Variants in TIGIT observed in about 807,000 individuals in gnomAD.
TIGIT encodes T cell immunoreceptor with Ig and ITIM domains.
In TIGIT, 11 loss-of-function variants were observed where a neutral mutation model predicts 19.6. That is an observed-to-expected ratio of 0.56 (90% CI 0.35 to 0.93). The LOEUF (loss-of-function observed/expected upper bound fraction) is 0.93, where lower values mean the gene tolerates loss of function less well. TIGIT is among the 40% of genes least tolerant of loss of function. The pLI, the probability that TIGIT is intolerant of heterozygous loss-of-function variation, is 0.01. For synonymous variants in TIGIT, 130 were observed against 125.5 expected (o/e 1.04, Z -0.24); for missense variants, 295 against 303.9 (o/e 0.97, Z 0.22).
chr3:114,303,043 CTTTA>C (rs1057000178), intron 3 of TIGIT, among the ~76,000 whole-genome samples: 1 of 152,038 alleles, frequency 6.6e-6, no homozygotes, highest in African/African-American at 2.4e-5. Context: ...TCCAACAAAC[CTTTA>C]TTTATAAACA....
intron 3 of TIGIT, among the ~76,000 whole-genome samples, chr3:114,303,248 G>A (rs956656816): frequency 6.6e-6 from 1 of 151,944 alleles, no homozygotes; most frequent in Non-Finnish European, 1.5e-5. Flanking sequence ...CCAGTGTGTA[G>A]TCCTTTATCC....
rs560056093 is a variant in TIGIT at position 114,298,015 on chromosome 3, C to G, written c.392-1582C>G. 2.6e-5 allele frequency among the ~76,000 whole-genome samples: 4 copies of G among 152,324 alleles called. No homozygotes were observed. The East Asian group carries it at 7.7e-4, about 29-fold the overall frequency. On this transcript the variant is annotated intron_variant, in intron 2 of 3. Coordinates refer to ENST00000383671, the MANE Select transcript of TIGIT (RefSeq NM_173799.4). ...CTTCTTTTTGAACCTAATCTCAAACCTTAGTCCAAGTCCCTATCCTAATAC... is the reference window on the plus strand; with the variant it reads ...CTTCTTTTTGAACCTAATCTCAAACGTTAGTCCAAGTCCCTATCCTAATAC...
intron 3 of TIGIT, among the ~76,000 whole-genome samples, chr3:114,305,888 A>AGATAGATG (rs1560034704): frequency 1.3e-5 from 2 of 151,724 alleles, no homozygotes; most frequent in Admixed American, 6.6e-5. Context: ...ATAGATAGAT[A>AGATAGATG]GATAGATAGA....
At chr3:114,297,301 T>A (rs1303297238) in intron 2 of TIGIT, among the ~76,000 whole-genome samples, 1 of 152,214 alleles carries the variant, frequency 6.6e-6, no homozygotes, top group Non-Finnish European at 1.5e-5. Context: ...CTCAGTTTTC[T>A]TGTCGATAAA....
chr3:114,303,573 G>GTATATATATATATACATATATATGTA (rs556975462), intron 3 of TIGIT, among the ~76,000 whole-genome samples: 2 of 46,664 alleles, frequency 4.3e-5, no homozygotes, highest in Admixed American at 1.9e-4. Context: ...ACATATATAT[G>GTATATATATATATACATATATATGTA]TATATATATA....
chr3:114,294,229 C>T, intron 1 of TIGIT, 107 bp downstream of exon 1: 1 of 844,832 alleles, frequency 1.2e-6, no homozygotes, highest in Non-Finnish European at 1.8e-6. Context: ...GCCACAGCTG[C>T]TTGAGAGAAA....
Position 114,294,072 on chromosome 3 carries a change from G to A in TIGIT, c.11G>A (p.Cys4Tyr), listed in dbSNP as rs1425212224. ...CCTCTGGGCAGAAGCATGCGCTGGT[G>A]TCTCCTCCTGATCTGGGCCCAGGGG... is the stretch of plus-strand genomic sequence containing the variant. MRWCLLLIWAQGLR... is the reference protein window; with the variant it reads MRWYLLLIWAQGLR... Residue 4 changes from cysteine (C) to tyrosine (Y), a missense_variant, in exon 1 of 4, where the codon TGT becomes TAT. Transcript: ENST00000383671. 1.9e-6 allele frequency: 3 copies of A among 1,553,136 alleles called. No homozygotes were observed. The highest frequency in any genetic ancestry group is 2.4e-5 in the East Asian group (1 of 41,264).
chr3:114,303,628 T>TACAC (rs201538912), intron 3 of TIGIT, among the ~76,000 whole-genome samples: 2 of 69,088 alleles, frequency 2.9e-5, no homozygotes, highest in Non-Finnish European at 7.6e-5. Context: ...TATGTATATA[T>TACAC]ATACACACAC....
At chr3:114,299,819 T>G in intron 3 of TIGIT, 116 bp downstream of exon 3, 1 of 649,646 alleles carries the variant, frequency 1.5e-6, no homozygotes, top group East Asian at 2.8e-5. Context: ...CCGAGTGCTC[T>G]TTGTGCCTTT....
At chr3:114,307,872 C>G (rs748965017) in intron 3 of TIGIT, 23 bp from the exon 4 acceptor site, 3 of 1,600,982 alleles carry the variant, frequency 1.9e-6, no homozygotes, top group South Asian at 2.2e-5. Flanking sequence ...CACATACTCA[C>G]TTTGTAGTTT....
intron 3 of TIGIT, among the ~76,000 whole-genome samples, chr3:114,303,597 GTATATATATATATACATATATATGTA>G (rs1553776844): frequency 4.9e-3 from 38 of 7,824 alleles, no homozygotes; most frequent in African/African-American, 0.011. Flanking sequence ...ACATATATAT[GTATATATATATATACATATATATGTA>G]TATATATACA....
chr3:114,294,234 G>A, intron 1 of TIGIT, 112 bp downstream of exon 1: 1 of 825,582 alleles, frequency 1.2e-6, no homozygotes, highest in Non-Finnish European at 1.9e-6. Context: ...AGCTGCTTGA[G>A]AGAAAGAAAT....
intron 3 of TIGIT, among the ~76,000 whole-genome samples, chr3:114,303,597 G>A (rs199667335): frequency 1.3e-4 from 1 of 7,870 alleles, no homozygotes; most frequent in African/African-American, 2.9e-4. Context: ...ACATATATAT[G>A]TATATATATA....
At chr3:114,304,027 A>G (rs892274774) in intron 3 of TIGIT, among the ~76,000 whole-genome samples, 1 of 151,734 alleles carries the variant, frequency 6.6e-6, no homozygotes, top group Non-Finnish European at 1.5e-5. Flanking sequence ...GCATTTTTTC[A>G]TATGTTTGTT....
rs563167089 is a variant in TIGIT at position 114,295,933 on chromosome 3, T to G, written c.391+59T>G. On this transcript the variant is annotated intron_variant, in intron 2 of 3. Transcript: ENST00000383671. Reference sequence around the variant, plus strand: ...TCTCCCTCTAGCATAGAAAATGCAATCCTGAAACACTGCACAGCAGGGCTT... The same window carrying G: ...TCTCCCTCTAGCATAGAAAATGCAAGCCTGAAACACTGCACAGCAGGGCTT... The G allele has an allele frequency of 6.7e-5, 92 of 1,373,926 alleles. No individual in the cohort carries two copies. The East Asian group carries it at 2.0e-3, about 30-fold the overall frequency. 85.1% of individuals were successfully genotyped at this position (1,373,926 alleles called of 1,614,324 possible).
intron 3 of TIGIT, among the ~76,000 whole-genome samples, chr3:114,305,895 T>TAGATAGATAGAC (rs2078531813): frequency 6.6e-6 from 1 of 151,496 alleles, no homozygotes; most frequent in Admixed American, 6.6e-5. Flanking sequence ...GATAGATAGA[T>TAGATAGATAGAC]AGATAGATAG....
At chr3:114,305,872 A>G (rs754229191) in intron 3 of TIGIT, among the ~76,000 whole-genome samples, 5 of 119,842 alleles carry the variant, frequency 4.2e-5, no homozygotes, top group Non-Finnish European at 8.5e-5. Context: ...ATGGATAGAT[A>G]GATAGATAGA....
chr3:114,295,145 G>C (rs1476486773), intron 1 of TIGIT: 1 of 221,536 alleles, frequency 4.5e-6, no homozygotes, highest in Non-Finnish European at 9.1e-6. Flanking sequence ...ATGGGCTGAG[G>C]TCTTCTAGGA....
chr3:114,295,905 AC>A, intron 2 of TIGIT, 31 bp downstream of exon 2: 1 of 1,541,062 alleles, frequency 6.5e-7, no homozygotes, highest in Non-Finnish European at 8.9e-7. Context: ...TGGTGGATAA[AC>A]CTCTCCCTCT....
Sources: gnomAD v4.1 joint callset for allele counts (sites outside exome capture counted in the v4.1 genomes callset) on GRCh38, gnomAD v4.1.1 for gene constraint, MANE v1.5 for transcripts, NCBI Gene and HGNC (gene_info 2026-07-23, HGNC 2026-07-21) for gene names.